Variants in DLGAP2 observed in about 807,000 individuals in gnomAD.
DLGAP2 encodes DLG associated protein 2.
A neutral mutation model predicts 100.3 loss-of-function variants in DLGAP2; 26 were observed. The ratio of observed to expected loss-of-function variants is 0.26; its 90% CI spans 0.19 to 0.36. The LOEUF is 0.36. Ranked by LOEUF, DLGAP2 falls within the 10% of genes least tolerant of loss-of-function variation. DLGAP2 has a pLI of 1.00. For missense variants in DLGAP2, 1,858 were observed against 1,453.2 expected (o/e 1.28, Z -4.53); for synonymous variants, 886 against 630.1 (o/e 1.41, Z -6.08).
At chr8:1,521,799 A>G (rs1800608173) in intron 4 of DLGAP2, among the ~76,000 whole-genome samples, 1 of 126,772 alleles carries the variant, frequency 7.9e-6, no homozygotes. Flanking sequence ...GGCAGGTGAT[A>G]TGGGGCATCT....
chr8:1,082,983 T>C (rs1803860639), intron 2 of DLGAP2, among the ~76,000 whole-genome samples: 1 of 152,216 alleles, frequency 6.6e-6, no homozygotes, highest in South Asian at 2.1e-4. Flanking sequence ...AAAATACGTG[T>C]CAAACTTTAT....
At chr8:1,223,380 C>CT (rs1798355139) in intron 2 of DLGAP2, among the ~76,000 whole-genome samples, 1 of 152,136 alleles carries the variant, frequency 6.6e-6, no homozygotes, top group South Asian at 2.1e-4. Context: ...TGGCTCTTCT[C>CT]CGCGGTGCTG....
chr8:1,161,094 T>C (rs1315672679), intron 2 of DLGAP2, among the ~76,000 whole-genome samples: 1 of 152,268 alleles, frequency 6.6e-6, no homozygotes, highest in Non-Finnish European at 1.5e-5. Flanking sequence ...GGTTTACTTT[T>C]ATGGCTGTTA....
At chr8:836,230 C>G (rs973089189) in intron 1 of DLGAP2, among the ~76,000 whole-genome samples, 2 of 152,224 alleles carry the variant, frequency 1.3e-5, no homozygotes, top group African/African-American at 4.8e-5. Context: ...CCGCCTCCTG[C>G]TTCCAGTGCC....
chr8:1,674,219 T>C (rs1052763074), intron 10 of DLGAP2, among the ~76,000 whole-genome samples: 1 of 152,042 alleles, frequency 6.6e-6, no homozygotes, highest in Non-Finnish European at 1.5e-5. Context: ...AGCTAATTTC[T>C]TTTTTTGTAG....
intron 1 of DLGAP2, among the ~76,000 whole-genome samples, chr8:791,173 G>C (rs1822016775): frequency 6.6e-6 from 1 of 152,172 alleles, no homozygotes; most frequent in Non-Finnish European, 1.5e-5. Flanking sequence ...GAAAGCTTTA[G>C]AAAGTAAAAG....
At chr8:1,343,300 G>A (rs114424856) in intron 3 of DLGAP2, among the ~76,000 whole-genome samples, 136 of 152,286 alleles carry the variant, frequency 8.9e-4, no homozygotes, top group South Asian at 6.4e-3. Context: ...TGTCTCTCCC[G>A]TGGAGTCACA....
chr8:1,272,974 T>A (rs1799612984), intron 3 of DLGAP2, among the ~76,000 whole-genome samples: 1 of 152,120 alleles, frequency 6.6e-6, no homozygotes, highest in African/African-American at 2.4e-5. Context: ...GGAAGGAATG[T>A]TCGGAGTGTG....
intron 2 of DLGAP2, among the ~76,000 whole-genome samples, chr8:1,127,149 C>T (rs1238069659): frequency 6.6e-6 from 1 of 150,412 alleles, no homozygotes; most frequent in Admixed American, 6.6e-5. Flanking sequence ...CATGAGGGAC[C>T]CCACCCTGTC....
rs923679131 is a variant in DLGAP2 at position 789,088 on chromosome 8, C to G, written c.18+51263C>G. On this transcript the variant is annotated intron_variant, in intron 1 of 14. Transcript: ENST00000637795. ...GAGAGTTCTTTATGTACTTTGGACA[C>G]AAAACACAGTCAGAGGTGTGATTTG... Among the ~76,000 whole-genome samples the G allele has an allele frequency of 2.4e-4, 37 of 152,324 alleles. 1 individual carries two copies. Among genetic ancestry groups the G allele is most frequent in the African/African-American group, 8.9e-4 (37 of 41,570 alleles).
intron 2 of DLGAP2, among the ~76,000 whole-genome samples, chr8:1,092,377 G>A (rs1804214353): frequency 6.6e-6 from 1 of 152,228 alleles, no homozygotes; most frequent in Non-Finnish European, 1.5e-5. Context: ...GGCACCTTGA[G>A]GCCTCTTATA....
chr8:1,095,217 C>T (rs1370092483), intron 2 of DLGAP2, among the ~76,000 whole-genome samples: 1 of 152,192 alleles, frequency 6.6e-6, no homozygotes, highest in Non-Finnish European at 1.5e-5. Flanking sequence ...AATTGGTGAA[C>T]ACAAAAGCAC....
chr8:934,622 TGTG>T (rs368983876), intron 2 of DLGAP2, among the ~76,000 whole-genome samples: 1 of 152,156 alleles, frequency 6.6e-6, no homozygotes, highest in Non-Finnish European at 1.5e-5. Context: ...ATTCCCGGCT[TGTG>T]GTGGGGACGG....
chr8:1,691,677 A>T, intron 13 of DLGAP2, 51 bp downstream of exon 13: 1 of 1,397,196 alleles, frequency 7.2e-7, no homozygotes, highest in Non-Finnish European at 1.0e-6. Flanking sequence ...GCTAATGGGC[A>T]TCATTCCACA....
intron 2 of DLGAP2, among the ~76,000 whole-genome samples, chr8:1,240,157 T>C (rs1206443065): frequency 1.3e-4 from 19 of 143,984 alleles, no homozygotes; most frequent in Non-Finnish European, 2.7e-4. Context: ...CTCTCATACA[T>C]AGTGTCATGT....
At chr8:754,678 C>T (rs1820879176) in intron 1 of DLGAP2, among the ~76,000 whole-genome samples, 1 of 151,934 alleles carries the variant, frequency 6.6e-6, no homozygotes, top group Non-Finnish European at 1.5e-5. Context: ...AGTGAGACCC[C>T]ACCTCTAAAA....
At chr8:1,166,279 A>C (rs7823761) in intron 2 of DLGAP2, among the ~76,000 whole-genome samples, 1 of 152,094 alleles carries the variant, frequency 6.6e-6, no homozygotes, top group African/African-American at 2.4e-5. Context: ...GTCCCCGTGC[A>C]AGATGCACCA....
chr8:864,895 C>T (rs1256254571), intron 1 of DLGAP2, among the ~76,000 whole-genome samples: 1 of 152,112 alleles, frequency 6.6e-6, no homozygotes, highest in Non-Finnish European at 1.5e-5. Flanking sequence ...AATTATACAC[C>T]TCCCTCTTTA....
intron 4 of DLGAP2, among the ~76,000 whole-genome samples, chr8:1,520,352 C>A (rs1039604708): frequency 3.3e-5 from 5 of 152,162 alleles, no homozygotes; most frequent in African/African-American, 1.2e-4. Flanking sequence ...AGGTTCACTC[C>A]GAGTGGTTTC....
Sources: gnomAD v4.1 joint callset for allele counts (sites outside exome capture counted in the v4.1 genomes callset) on GRCh38, gnomAD v4.1.1 for gene constraint, MANE v1.5 for transcripts, NCBI Gene and HGNC (gene_info 2026-07-23, HGNC 2026-07-21) for gene names.